The following RWDD4 variants were observed in gnomAD, a reference collection of about 807,000 sequenced individuals.
RWDD4 encodes RWD domain containing 4, also known as RWD domain-containing protein 4.
RWDD4 carries 16 observed loss-of-function variants against 30.0 expected under a neutral mutation model. That is an observed-to-expected ratio of 0.53 (90% confidence interval 0.36 to 0.81). The LOEUF (loss-of-function observed/expected upper bound fraction) is 0.81, where lower values mean the gene tolerates loss of function less well. Among genes scored for constraint, RWDD4 ranks in the 30% least tolerant of loss-of-function variants. RWDD4 has a pLI of 0.00. For synonymous variants in RWDD4, 45 were observed against 72.1 expected, an observed-to-expected ratio of 0.62 and a Z score of 1.90; for missense variants, 170 against 223.9, an observed-to-expected ratio of 0.76 and a Z score of 1.54.
intron 2 of RWDD4, among the ~76,000 whole-genome samples, chr4:183,654,538 G>A (rs776615166): frequency 2.6e-5 from 4 of 152,160 alleles, no homozygotes; most frequent in East Asian, 1.9e-4. Flanking sequence ...TATGGGTCAC[G>A]TCAGTGTCCA....
In RWDD4 at chr4:183,644,407, G is replaced by A. The variant is rs185408286; in HGVS notation, c.534+1944C>T. Among the ~76,000 whole-genome samples, 3 of 152,348 alleles carry A rather than the reference G, an allele frequency of 2.0e-5. No individual in the cohort carries two copies. In the East Asian group the frequency reaches 5.8e-4, roughly 29 times the overall value. ...AATATTTTTGTACTAGTTACTAGCA[G>A]CACTAAGATTATTTTAAAGTTTCAA... On this transcript the variant is annotated intron_variant, in intron 7 of 7. Coordinates refer to ENST00000326397, the MANE Select transcript of RWDD4 (RefSeq NM_152682.4).
At position 183,651,249 on chromosome 4, in the gene RWDD4, G is replaced by T. The variant is rs143033343; in HGVS notation, c.184C>A (p.Leu62Ile). ...TTGTTAAAAAAAGCGTTCATAGATA[G>T]AATTGGAGGTGTTTGGGGATATGTT... The part of the protein sequence containing the change: ...TETYPQTPPI[L>I]SMNAFFNNTI... Residue 62 changes from leucine to isoleucine, a missense_variant, in exon 3 of 8, where the codon CTA becomes ATA. Coordinates refer to ENST00000326397, the MANE Select transcript of RWDD4 (RefSeq NM_152682.4). The T allele has an allele frequency of 4.2e-5, 67 of 1,613,366 alleles. No homozygotes were observed. The highest frequency in any genetic ancestry group is 5.5e-5 in the Non-Finnish European group (65 of 1,179,938).
intron 2 of RWDD4, among the ~76,000 whole-genome samples, chr4:183,654,329 G>A (rs1734141905): frequency 1.3e-5 from 2 of 152,176 alleles, no homozygotes; most frequent in African/African-American, 4.8e-5. Context: ...AACTAGTACT[G>A]TTGGAGGACT....
Position 183,658,981 on chromosome 4 carries a change from G to A in RWDD4, c.-29C>T. Reference sequence around the variant, plus strand: ...GCCGGTCGCGGGGCGCCTCCTGAGCGGACGGCGTTCGCAACAACGAAGAGA... The same window carrying A: ...GCCGGTCGCGGGGCGCCTCCTGAGCAGACGGCGTTCGCAACAACGAAGAGA... On this transcript the variant is annotated 5_prime_UTR_variant, in exon 1 of 8. Transcript: ENST00000326397. 2.4e-6 allele frequency: 3 copies of A among 1,269,480 alleles called. No homozygotes were observed. Among genetic ancestry groups the A allele is most frequent in the Non-Finnish European group, 2.0e-6 (2 of 1,008,472 alleles). 78.6% of individuals were successfully genotyped at this position (1,269,480 alleles called of 1,614,324 possible).
At chr4:183,654,385 G>A (rs1270984020) in intron 2 of RWDD4, among the ~76,000 whole-genome samples, 2 of 152,206 alleles carry the variant, frequency 1.3e-5, no homozygotes, top group Non-Finnish European at 2.9e-5. Flanking sequence ...TTAAACCGGG[G>A]AAGTCAACTA....
chr4:183,646,751 T>C (rs1733973334), intron 5 of RWDD4, among the ~76,000 whole-genome samples: 1 of 152,242 alleles, frequency 6.6e-6, no homozygotes, highest in African/African-American at 2.4e-5. Context: ...ACATTTATGA[T>C]ATTGCTATCC....
intron 2 of RWDD4, 135 bp downstream of exon 2, chr4:183,655,746 T>TTCCATTTTTA: frequency 3.4e-6 from 2 of 585,560 alleles, no homozygotes; most frequent in Non-Finnish European, 6.1e-6. Flanking sequence ...GTTAGGGTGA[T>TTCCATTTTTA]GTTTCCATTT....
At chr4:183,648,249 A>AAAAAG (rs1554003457) in intron 5 of RWDD4, among the ~76,000 whole-genome samples, 5 of 142,248 alleles carry the variant, frequency 3.5e-5, no homozygotes, top group Non-Finnish European at 6.2e-5. Context: ...AAGAAAAAAG[A>AAAAAG]AAAAAAAAAA....
At chr4:183,641,620 C>G in intron 7 of RWDD4, 152 bp from the exon 8 acceptor site, 1 of 662,274 alleles carries the variant, frequency 1.5e-6, no homozygotes, top group Non-Finnish European at 2.7e-6. Flanking sequence ...CAACTTCAAG[C>G]TCAGCTACTT....
rs1452597748 is a variant in RWDD4 at position 183,651,291 on chromosome 4, C to G, written c.142G>C (p.Glu48Gln). Residue 48 changes from glutamate to glutamine, a missense_variant, in exon 3 of 8, where the codon GAG becomes CAG. Physicochemically the swap from Glu to Gln is conservative, Grantham distance 29 (BLOSUM62 2). Coordinates refer to ENST00000326397, the MANE Select transcript of RWDD4 (RefSeq NM_152682.4). Reference sequence around the variant, plus strand: ...GGATATGTTTCTGTCCAGGAAATCTCTATTAAGAAGGCTTTGGGATCACCA... The same window carrying G: ...GGATATGTTTCTGTCCAGGAAATCTGTATTAAGAAGGCTTTGGGATCACCA... The part of the protein sequence containing the change: ...ENGDPKAFLI[E>Q]ISWTETYPQT... 6.2e-7 allele frequency: 1 copy of G among 1,612,376 alleles called. No homozygotes were observed.
intron 2 of RWDD4, among the ~76,000 whole-genome samples, chr4:183,652,456 A>G (rs905233579): frequency 6.8e-6 from 1 of 146,344 alleles, no homozygotes; most frequent in African/African-American, 2.5e-5. Flanking sequence ...AGATCGTGCC[A>G]TTGCACTCCA....
intron 1 of RWDD4, chr4:183,656,180 AC>A (rs1734190240): frequency 2.5e-6 from 1 of 399,010 alleles, no homozygotes; most frequent in Non-Finnish European, 4.5e-6. Flanking sequence ...TAAGCACTGT[AC>A]AATGTATGAT....
intron 1 of RWDD4, among the ~76,000 whole-genome samples, chr4:183,657,149 A>T (rs1034942105): frequency 1.7e-4 from 26 of 152,234 alleles, no homozygotes; most frequent in Non-Finnish European, 4.4e-5. Flanking sequence ...CCCTTCTTAG[A>T]TAGGGAAACT....
intron 2 of RWDD4, among the ~76,000 whole-genome samples, chr4:183,655,024 T>G (rs1392091728): frequency 2.0e-5 from 3 of 151,896 alleles, no homozygotes; most frequent in African/African-American, 7.3e-5. Context: ...CACTGGAACC[T>G]CCGCCTCCTG....
chr4:183,651,914 A>G (rs1734084419), intron 2 of RWDD4, among the ~76,000 whole-genome samples: 1 of 152,204 alleles, frequency 6.6e-6, no homozygotes, highest in Non-Finnish European at 1.5e-5. Flanking sequence ...TTTTAATCTT[A>G]AAGAAAAACT....
chr4:183,647,700 G>A (rs1733990330), intron 5 of RWDD4, among the ~76,000 whole-genome samples: 1 of 152,202 alleles, frequency 6.6e-6, no homozygotes, highest in Non-Finnish European at 1.5e-5. Context: ...TATTCAAAGA[G>A]AGATAAACCA....
intron 7 of RWDD4, among the ~76,000 whole-genome samples, chr4:183,642,096 A>AG (rs762659727): frequency 6.6e-6 from 1 of 152,064 alleles, no homozygotes; most frequent in Non-Finnish European, 1.5e-5. Context: ...CAAGAACACT[A>AG]GAGAGTGTGG....
At chr4:183,653,675 C>T (rs748338534) in intron 2 of RWDD4, 1 of 152,084 alleles carries the variant, frequency 6.6e-6, no homozygotes, top group Non-Finnish European at 1.5e-5. Context: ...TACTGATAGA[C>T]CTGGATAAGG....
At position 183,646,546 on chromosome 4, in the gene RWDD4, T is replaced by TA. The variant is rs746235126; in HGVS notation, c.482-10dup. On this transcript the variant is annotated splice_polypyrimidine_tract_variant and intron_variant, in intron 5 of 7. Transcript: ENST00000326397. ...AAGTTCTCCTTTGTGATCTAGAAGA[T>TA]AAAAAATAGTAACTTTATTTCTAAG... 2 of 1,606,784 alleles carry TA rather than the reference T, an allele frequency of 1.2e-6. No homozygotes were observed. The highest frequency in any genetic ancestry group is 1.7e-6 in the Non-Finnish European group (2 of 1,177,924).
Sources: allele counts gnomAD v4.1 joint callset (sites outside exome capture counted in the v4.1 genomes callset), GRCh38; gene constraint gnomAD v4.1.1; transcripts MANE v1.5; gene names NCBI Gene and HGNC (gene_info 2026-07-23, HGNC 2026-07-21).